CTIF: variants seen among roughly 807,000 people sequenced by gnomAD.
CTIF encodes the protein CBP80/20-dependent translation initiation factor.
A neutral mutation model predicts 66.0 loss-of-function variants in CTIF; 21 were observed. The observed-to-expected ratio is 0.32, with a 90% CI of 0.23 to 0.46. The LOEUF is 0.46. Among genes scored for constraint, CTIF ranks in the 20% least tolerant of loss-of-function variants. CTIF has a pLI of 1.00. For missense variants in CTIF, 739 were observed against 812.7 expected (o/e 0.91, Z 1.10); for synonymous variants, 345 against 326.4 (o/e 1.06, Z -0.62).
chr18:48,569,127 A>T (rs2089352974), intron 1 of CTIF, among the ~76,000 whole-genome samples: 1 of 152,152 alleles, frequency 6.6e-6, no homozygotes, highest in African/African-American at 2.4e-5. Context: ...ACATGACCTC[A>T]TTTTACCTTA....
intron 4 of CTIF, among the ~76,000 whole-genome samples, 179 bp downstream of exon 4, chr18:48,664,004 G>C (rs2091391663): frequency 6.6e-6 from 1 of 152,182 alleles, no homozygotes; most frequent in Admixed American, 6.5e-5. Flanking sequence ...GTGTCAACGG[G>C]AGACAGTGGA....
intron 6 of CTIF, chr18:48,673,428 T>TTTG (rs4044187): frequency 0.49 from 74,146 of 151,510 alleles, 20,509 homozygotes; most frequent in East Asian, 0.85. Flanking sequence ...CTGAGACACA[T>TTTG]TTGTTGTTGT....
intron 6 of CTIF, among the ~76,000 whole-genome samples, chr18:48,697,833 T>C (rs886844565): frequency 6.6e-6 from 1 of 152,004 alleles, no homozygotes; most frequent in African/African-American, 2.4e-5. Flanking sequence ...CTCCTCCTGA[T>C]AAGCCAGAAA....
intron 9 of CTIF, among the ~76,000 whole-genome samples, chr18:48,771,394 G>A (rs1910098294): frequency 6.6e-6 from 1 of 152,164 alleles, no homozygotes; most frequent in Non-Finnish European, 1.5e-5. Flanking sequence ...AGCATGGATA[G>A]GCAGGCATGG....
chr18:48,616,510 G>T (rs1489527138), intron 1 of CTIF, among the ~76,000 whole-genome samples: 1 of 152,174 alleles, frequency 6.6e-6, no homozygotes, highest in Admixed American at 6.5e-5. Flanking sequence ...AGGCAGTTGG[G>T]GTATAGGCAT....
intron 9 of CTIF, among the ~76,000 whole-genome samples, chr18:48,813,194 A>G (rs754131920): frequency 1.5e-4 from 23 of 152,246 alleles, no homozygotes; most frequent in Non-Finnish European, 3.4e-4. Context: ...TCCTAATCCC[A>G]GTTCCTGTCT....
In CTIF at chr18:48,568,860, C is replaced by G. The variant is rs1429037054; in HGVS notation, c.-29+29548C>G. On this transcript the variant is annotated intron_variant, in intron 1 of 11. Coordinates refer to ENST00000256413, the MANE Select transcript of CTIF (RefSeq NM_014772.3). Reference sequence around the variant, plus strand: ...ACAAGAATAGCACAGGAAAAACCCACCCCCACGATTCAATTATCTCCCACC... The same window carrying G: ...ACAAGAATAGCACAGGAAAAACCCAGCCCCACGATTCAATTATCTCCCACC... 2.0e-5 allele frequency among the ~76,000 whole-genome samples: 3 copies of G among 152,032 alleles called. No individual in the cohort carries two copies. The East Asian group carries it at 5.8e-4, about 29-fold the overall frequency.
At chr18:48,574,297 C>T (rs187130154) in intron 1 of CTIF, among the ~76,000 whole-genome samples, 56 of 152,342 alleles carry the variant, frequency 3.7e-4, no homozygotes, top group Admixed American at 3.5e-3. Flanking sequence ...CCCTGACTAT[C>T]CTGTTTAAAT....
At chr18:48,629,959 C>T (rs199520865) in intron 2 of CTIF, among the ~76,000 whole-genome samples, 2 of 152,188 alleles carry the variant, frequency 1.3e-5, no homozygotes, top group East Asian at 3.8e-4. Context: ...ACAGCAGGCT[C>T]CCCTTATCCA....
chr18:48,542,830 C>G (rs952421160), intron 1 of CTIF, among the ~76,000 whole-genome samples: 2 of 152,176 alleles, frequency 1.3e-5, no homozygotes, highest in East Asian at 1.9e-4. Context: ...TGCAACCTCC[C>G]GGGAGGGCCC....
rs59649320 is a variant in CTIF at position 48,741,285 on chromosome 18, C to G, written c.585-16634C>G. 5.0e-3 allele frequency among the ~76,000 whole-genome samples: 719 copies of G among 144,558 alleles called. 22 individuals are homozygous for G. The highest frequency in any genetic ancestry group is 0.01 in the Middle Eastern group (3 of 290). 94.8% of individuals were successfully genotyped at this position (144,558 alleles called of 152,430 possible). A position where few individuals can be genotyped will look rare whatever the true frequency, so the allele number is the denominator to read the frequency against. The stretch of plus-strand genomic sequence containing the variant: ...CTGCTCTTTACTCTGCCCCCGCCCC[C>G]CCTCCTTGGTACATGTTGCCAGGCA... On this transcript the variant is annotated intron_variant, in intron 7 of 11. Transcript: ENST00000256413.
In CTIF at chr18:48,860,276, G is replaced by A. The variant is rs897009751; in HGVS notation, c.*717G>A. 2.7e-5 allele frequency: 8 copies of A among 301,466 alleles called. No homozygotes were observed. Among genetic ancestry groups the A allele is most frequent in the South Asian group, 9.5e-5 (3 of 31,580 alleles). The allele number at this position is 301,466 out of a possible 1,614,324, so 18.7% of individuals were successfully genotyped here. On this transcript the variant is annotated 3_prime_UTR_variant, in exon 12 of 12. Coordinates refer to ENST00000256413, the MANE Select transcript of CTIF (RefSeq NM_014772.3). ...TATTGTGTTTTATTTTTCAAAAGTC[G>A]GTTGCTTTGAAGTCTCTTTGGCCAA... is the stretch of plus-strand genomic sequence containing the variant.
intron 3 of CTIF, among the ~76,000 whole-genome samples, chr18:48,660,122 A>G (rs2091316727): frequency 7.5e-6 from 1 of 133,220 alleles, no homozygotes; most frequent in Non-Finnish European, 1.6e-5. Flanking sequence ...TGGGAATGGC[A>G]GGGATATCGC....
intron 1 of CTIF, among the ~76,000 whole-genome samples, chr18:48,610,175 T>C (rs1240524561): frequency 6.6e-6 from 1 of 151,888 alleles, no homozygotes; most frequent in Admixed American, 6.6e-5. Flanking sequence ...CAAAAACCTA[T>C]AAAAAAAATT....
rs76437805 is a variant in CTIF, at chr18:48,777,371, C to G, written c.1371+15682C>G. ...CTATATGATGGTGACCGCCACCAAG[C>G]CACCCTCCTATGTGCAATTTTCAGA... On this transcript the variant is annotated intron_variant, in intron 9 of 11. Coordinates refer to ENST00000256413, the MANE Select transcript of CTIF (RefSeq NM_014772.3). 8.2e-3 allele frequency among the ~76,000 whole-genome samples: 1,244 copies of G among 152,322 alleles called. 32 individuals are homozygous for G. Among genetic ancestry groups the G allele is most frequent in the African/African-American group, 0.027 (1,117 of 41,576 alleles).
intron 3 of CTIF, among the ~76,000 whole-genome samples, chr18:48,645,812 C>T (rs1375365761): frequency 1.3e-5 from 2 of 152,324 alleles, no homozygotes; most frequent in African/African-American, 2.4e-5. Context: ...CCAGCGGTGA[C>T]AGCAAGCACC....
intron 3 of CTIF, among the ~76,000 whole-genome samples, chr18:48,650,732 G>A (rs781718069): frequency 3.9e-5 from 6 of 152,144 alleles, no homozygotes; most frequent in Non-Finnish European, 5.9e-5. Context: ...GAGAAAGGTC[G>A]GGTTACCCAC....
chr18:48,598,570 G>A (rs1386817952), intron 1 of CTIF, among the ~76,000 whole-genome samples: 1 of 152,086 alleles, frequency 6.6e-6, no homozygotes, highest in African/African-American at 2.4e-5. Flanking sequence ...AAAATTTAAG[G>A]TCAGAACTTG....
chr18:48,701,535 C>G (rs1477430091), intron 6 of CTIF, among the ~76,000 whole-genome samples: 1 of 152,146 alleles, frequency 6.6e-6, no homozygotes, highest in Non-Finnish European at 1.5e-5. Context: ...CTCCGTCCCC[C>G]AGCCCCCAGT....
Sources: allele counts gnomAD v4.1 joint callset (sites outside exome capture counted in the v4.1 genomes callset), GRCh38; gene constraint gnomAD v4.1.1; transcripts MANE v1.5; gene names NCBI Gene and HGNC (gene_info 2026-07-23, HGNC 2026-07-21).